Variants in DCC observed in about 807,000 individuals in gnomAD.
DCC encodes netrin receptor DCC.
In DCC, 58 loss-of-function variants were observed where a neutral mutation model predicts 172.5. The ratio of observed to expected loss-of-function variants is 0.34; its 90% CI spans 0.27 to 0.42. The LOEUF (loss-of-function observed/expected upper bound fraction) is 0.42, where lower values mean the gene tolerates loss of function less well. Among genes scored for constraint, DCC ranks in the 10% least tolerant of loss-of-function variants. The probability of loss-of-function intolerance (pLI) is 1.00; values close to 1 mark genes in which losing one functional copy is unlikely to be tolerated. For missense variants in DCC, 1,740 were observed against 1,791.0 expected (o/e 0.97, Z 0.51); for synonymous variants, 709 against 644.5 (o/e 1.10, Z -1.52).
At chr18:53,428,332 A>ATTATAATG in intron 21 of DCC, among the ~76,000 whole-genome samples, 1 of 67,072 alleles carries the variant, frequency 1.5e-5, no homozygotes, top group African/African-American at 4.9e-5. Context: ...ATAATATAAT[A>ATTATAATG]TATTGTATAT....
intron 15 of DCC, among the ~76,000 whole-genome samples, chr18:53,361,553 T>C (rs1310062326): frequency 6.6e-6 from 1 of 152,190 alleles, no homozygotes; most frequent in Non-Finnish European, 1.5e-5. Flanking sequence ...AAGATGGTTT[T>C]ACCTTTTTAG....
intron 12 of DCC, among the ~76,000 whole-genome samples, chr18:53,302,730 C>A (rs2057155718): frequency 6.6e-6 from 1 of 152,106 alleles, no homozygotes; most frequent in Non-Finnish European, 1.5e-5. Context: ...TTTGACTGGA[C>A]ATTAAATTCT....
intron 7 of DCC, among the ~76,000 whole-genome samples, chr18:53,074,608 A>G (rs146335000): frequency 2.0e-4 from 30 of 152,280 alleles, no homozygotes; most frequent in African/African-American, 6.7e-4. Context: ...AGAGAATAGT[A>G]ATGTATTTTT....
chr18:52,872,040 T>C (rs1393539019), intron 2 of DCC, among the ~76,000 whole-genome samples: 5 of 152,162 alleles, frequency 3.3e-5, no homozygotes, highest in Non-Finnish European at 7.4e-5. Context: ...GAAAAACTTT[T>C]CCTTTGCCCT....
rs189366930 is a variant in DCC, at chr18:52,980,074, C to A, written c.985+54704C>A. Among the ~76,000 whole-genome samples the A allele has an allele frequency of 1.6e-3, 238 of 152,272 alleles. 1 individual carries two copies. Among genetic ancestry groups the A allele is most frequent in the African/African-American group, 5.4e-3 (226 of 41,554 alleles). ...AATTCAATTATCTGCCCCCGCCACC[C>A]CCAACTGTCTGCCTTACAGGGGAGG... is the stretch of plus-strand genomic sequence containing the variant. On this transcript the variant is annotated intron_variant, in intron 5 of 28. Transcript: ENST00000442544.
At position 52,865,265 on chromosome 18, in the gene DCC, G is replaced by A. The variant is rs376113275; in HGVS notation, c.413-40779G>A. The stretch of plus-strand genomic sequence containing the variant: ...TGATGGGCATTTGGGTTGGTTCCAA[G>A]TCTTTGCTATTGTGAATAGTGCCAC... On this transcript the variant is annotated intron_variant, in intron 2 of 28. Transcript: ENST00000442544. Among the ~76,000 whole-genome samples, 21 of 152,210 alleles carry A rather than the reference G, an allele frequency of 1.4e-4. No individual in the cohort carries two copies. In the South Asian group the frequency reaches 3.9e-3, roughly 29 times the overall value.
chr18:53,086,005 T>TTTAAGTTTTAGGGTA (rs2042877973), intron 7 of DCC, among the ~76,000 whole-genome samples: 2 of 27,232 alleles, frequency 7.3e-5, no homozygotes, highest in African/African-American at 5.7e-4. Flanking sequence ...CTCCTTCTTC[T>TTTAAGTTTTAGGGTA]CCTTCTCCTT....
At chr18:53,253,901 T>G (rs1010453622) in intron 12 of DCC, among the ~76,000 whole-genome samples, 12 of 152,036 alleles carry the variant, frequency 7.9e-5, no homozygotes, top group Non-Finnish European at 1.6e-4. Flanking sequence ...ATTTGAGAAC[T>G]GATGCTTCAT....
chr18:52,865,161 G>A (rs558937390), intron 2 of DCC, among the ~76,000 whole-genome samples: 13 of 152,070 alleles, frequency 8.5e-5, no homozygotes, highest in East Asian at 1.9e-4. Context: ...CACCACACCC[G>A]CCTGAACTCA....
chr18:52,400,265 A>G (rs937362367), intron 1 of DCC, among the ~76,000 whole-genome samples: 15 of 152,046 alleles, frequency 9.9e-5, no homozygotes, highest in African/African-American at 3.4e-4. Flanking sequence ...ATAAATGGTG[A>G]TCTTGAAATC....
intron 2 of DCC, among the ~76,000 whole-genome samples, chr18:52,848,597 T>C (rs2038930977): frequency 6.6e-6 from 1 of 152,212 alleles, no homozygotes; most frequent in African/African-American, 2.4e-5. Context: ...GTAATGGCTT[T>C]GGAGTTTCGC....
intron 2 of DCC, among the ~76,000 whole-genome samples, chr18:52,869,872 G>C (rs1415200396): frequency 6.6e-6 from 1 of 152,170 alleles, no homozygotes; most frequent in Non-Finnish European, 1.5e-5. Flanking sequence ...CCCCAAGCCT[G>C]GGGGGTAAAG....
At chr18:52,590,698 A>G (rs1183945417) in intron 1 of DCC, among the ~76,000 whole-genome samples, 1 of 152,240 alleles carries the variant, frequency 6.6e-6, no homozygotes, top group African/African-American at 2.4e-5. Flanking sequence ...CCATGTGGTC[A>G]TACCAGTGGC....
intron 8 of DCC, among the ~76,000 whole-genome samples, chr18:53,158,531 A>G (rs1032665785): frequency 3.3e-5 from 5 of 152,176 alleles, no homozygotes; most frequent in African/African-American, 1.2e-4. Flanking sequence ...CATTGGATAA[A>G]CCAAAGTGTT....
chr18:53,010,578 G>A (rs2041713753), intron 5 of DCC, among the ~76,000 whole-genome samples: 1 of 150,606 alleles, frequency 6.6e-6, no homozygotes, highest in Non-Finnish European at 1.5e-5. Context: ...TATGTACATA[G>A]GTGTACATAT....
intron 5 of DCC, among the ~76,000 whole-genome samples, chr18:53,036,895 C>G (rs575537455): frequency 6.6e-6 from 1 of 152,064 alleles, no homozygotes; most frequent in East Asian, 1.9e-4. Context: ...CAATTGAATC[C>G]TTCAGCCCCT....
chr18:52,664,722 C>T (rs1335390404), intron 1 of DCC, among the ~76,000 whole-genome samples: 2 of 151,974 alleles, frequency 1.3e-5, no homozygotes, highest in Non-Finnish European at 2.9e-5. Flanking sequence ...CCGCCCGCCT[C>T]GGCCTCCCAA....
chr18:53,419,420 T>C (rs1401075647), intron 21 of DCC, among the ~76,000 whole-genome samples: 1 of 152,140 alleles, frequency 6.6e-6, no homozygotes, highest in Non-Finnish European at 1.5e-5. Flanking sequence ...ATTAATCATC[T>C]TCACCTCCCC....
intron 8 of DCC, among the ~76,000 whole-genome samples, chr18:53,173,165 A>C (rs995943021): frequency 6.6e-6 from 1 of 152,132 alleles, no homozygotes; most frequent in African/African-American, 2.4e-5. Flanking sequence ...GTTTGGTAGA[A>C]TATAGCAGTG....
Sources: gnomAD v4.1 joint callset for allele counts (sites outside exome capture counted in the v4.1 genomes callset) on GRCh38, gnomAD v4.1.1 for gene constraint, MANE v1.5 for transcripts, NCBI Gene and HGNC (gene_info 2026-07-23, HGNC 2026-07-21) for gene names.